Variants in ST3GAL2 observed in about 807,000 individuals in gnomAD.
ST3GAL2 encodes ST3 beta-galactoside alpha-2,3-sialyltransferase 2, also known as CMP-N-acetylneuraminate-beta-galactosamide-alpha-2,3-sialyltransferase 2.
In ST3GAL2, 16 loss-of-function variants were observed where a neutral mutation model predicts 37.5. The observed-to-expected ratio is 0.43, with a 90% CI of 0.29 to 0.65. The LOEUF is 0.65. ST3GAL2 is among the 30% of genes least tolerant of loss of function. The probability of loss-of-function intolerance (pLI) is 0.17; values close to 1 mark genes in which losing one functional copy is unlikely to be tolerated. For missense variants in ST3GAL2, 383 were observed against 487.8 expected (o/e 0.79, Z 2.02); for synonymous variants, 238 against 202.9 (o/e 1.17, Z -1.47).
chr16:70,379,375 A>T lies in ST3GAL2; in HGVS notation c.*2314T>A, dbSNP rs1391991539. On this transcript the variant is annotated 3_prime_UTR_variant, in exon 7 of 7. Transcript: ENST00000342907. Reference sequence around the variant, plus strand: ...TCCAGGAATGAGGTGCCTCCTGTATAGGTGGGGGAGGGTATCTGGGAGTCA... The same window carrying T: ...TCCAGGAATGAGGTGCCTCCTGTATTGGTGGGGGAGGGTATCTGGGAGTCA... The T allele has an allele frequency of 6.6e-6, 1 of 152,180 alleles. No homozygotes were observed. Among genetic ancestry groups the T allele is most frequent in the Non-Finnish European group, 1.5e-5 (1 of 68,050 alleles). The allele number at this position is 152,180 out of a possible 1,614,324, so 9.4% of individuals were successfully genotyped here. A position where few individuals can be genotyped will look rare whatever the true frequency, so the allele number is the denominator to read the frequency against.
At chr16:70,424,017 C>T (rs1350238194) in intron 1 of ST3GAL2, among the ~76,000 whole-genome samples, 2 of 151,698 alleles carry the variant, frequency 1.3e-5, no homozygotes, top group African/African-American at 4.8e-5. Flanking sequence ...AAGATCGTGC[C>T]ACTGCACTCC....
chr16:70,408,246 C>T (rs964644592), intron 1 of ST3GAL2, among the ~76,000 whole-genome samples: 1 of 152,144 alleles, frequency 6.6e-6, no homozygotes, highest in East Asian at 1.9e-4. Context: ...GCTCCTTCCA[C>T]AGCCCCCACT....
rs2047361586 is a variant in ST3GAL2, at chr16:70,377,883, G to A, written c.*3806C>T. On this transcript the variant is annotated 3_prime_UTR_variant, in exon 7 of 7. Coordinates refer to ENST00000342907, the MANE Select transcript of ST3GAL2 (RefSeq NM_006927.4). ...ACACCTGTGGAGGCAGGGAACTCAGGAAATCAAGGAAGAAAAAGGTGTCTA... is the reference window on the plus strand; with the variant it reads ...ACACCTGTGGAGGCAGGGAACTCAGAAAATCAAGGAAGAAAAAGGTGTCTA... 1.3e-5 allele frequency: 2 copies of A among 152,172 alleles called. No homozygotes were observed. Among genetic ancestry groups the A allele is most frequent in the South Asian group, 4.1e-4 (2 of 4,828 alleles). The allele number at this position is 152,172 out of a possible 1,614,324, so 9.4% of individuals were successfully genotyped here.
At position 70,381,657 on chromosome 16, in the gene ST3GAL2, G is replaced by T; in HGVS notation, c.*32C>A. 1 of 1,606,218 alleles carries T rather than the reference G, an allele frequency of 6.2e-7. No individual in the cohort carries two copies. The highest frequency in any genetic ancestry group is 1.1e-5 in the South Asian group (1 of 90,758). The stretch of plus-strand genomic sequence containing the variant: ...CGGGCCGGAGCCCCGGTGCCCGATA[G>T]ATGGGCCGGAAGGGTCGCGGCGAGG... On this transcript the variant is annotated 3_prime_UTR_variant, in exon 7 of 7. Coordinates refer to ENST00000342907, the MANE Select transcript of ST3GAL2 (RefSeq NM_006927.4).
At chr16:70,395,718 G>A (rs1391242579) in intron 2 of ST3GAL2, among the ~76,000 whole-genome samples, 1 of 152,150 alleles carries the variant, frequency 6.6e-6, no homozygotes. Flanking sequence ...AGCGAGACCT[G>A]TACCAACCAA....
intron 1 of ST3GAL2, among the ~76,000 whole-genome samples, chr16:70,437,501 C>CG (rs1042825291): frequency 1.1e-4 from 16 of 144,384 alleles, no homozygotes; most frequent in South Asian, 8.6e-4. Context: ...CCCTCTGCCC[C>CG]CCCCGCAAAA....
chr16:70,379,380 G>A lies in ST3GAL2; in HGVS notation c.*2309C>T, dbSNP rs1029685370. 3 of 152,144 alleles carry A rather than the reference G, an allele frequency of 2.0e-5. No homozygotes were observed. 9.4% of individuals were successfully genotyped at this position (152,144 alleles called of 1,614,324 possible). A position where few individuals can be genotyped will look rare whatever the true frequency, so the allele number is the denominator to read the frequency against. On this transcript the variant is annotated 3_prime_UTR_variant, in exon 7 of 7. Coordinates refer to ENST00000342907, the MANE Select transcript of ST3GAL2 (RefSeq NM_006927.4). ...GAATGAGGTGCCTCCTGTATAGGTG[G>A]GGGAGGGTATCTGGGAGTCATCTCG...
chr16:70,421,654 G>C (rs1314571040), intron 1 of ST3GAL2, among the ~76,000 whole-genome samples: 2 of 152,214 alleles, frequency 1.3e-5, no homozygotes, highest in East Asian at 1.9e-4. Context: ...CTGGGGATGT[G>C]AGGAGGTGGG....
chr16:70,415,885 C>T (rs2047673882), intron 1 of ST3GAL2, among the ~76,000 whole-genome samples: 1 of 151,106 alleles, frequency 6.6e-6, no homozygotes, highest in African/African-American at 2.4e-5. Context: ...AAGCGATTCT[C>T]CTGCCTCAGC....
At chr16:70,433,480 T>C (rs1484191505) in intron 1 of ST3GAL2, among the ~76,000 whole-genome samples, 3 of 152,202 alleles carry the variant, frequency 2.0e-5, no homozygotes, top group African/African-American at 7.2e-5. Flanking sequence ...GTTTTGCTTT[T>C]GGATGCAGGG....
chr16:70,431,046 C>G (rs1360762787), intron 1 of ST3GAL2, among the ~76,000 whole-genome samples: 3 of 151,390 alleles, frequency 2.0e-5, no homozygotes, highest in Non-Finnish European at 4.4e-5. Context: ...CTACTAATGT[C>G]CCTTGCAAAC....
chr16:70,382,929 G>A lies in ST3GAL2; in HGVS notation c.760-5C>T, dbSNP rs764810269. On this transcript the variant is annotated splice_polypyrimidine_tract_variant and splice_region_variant and intron_variant, in intron 5 of 6. Coordinates refer to ENST00000342907, the MANE Select transcript of ST3GAL2 (RefSeq NM_006927.4). ...GGCTGGGTTGTAGATCTGGACCTGG[G>A]AGGAGAAGGGATGACAGGTATATGA... The A allele has an allele frequency of 1.9e-6, 3 of 1,612,624 alleles. No homozygotes were observed. In the African/African-American group the frequency reaches 4.0e-5, roughly 21 times the overall value.
intron 1 of ST3GAL2, among the ~76,000 whole-genome samples, chr16:70,431,237 T>C (rs2047787823): frequency 6.6e-6 from 1 of 152,218 alleles, no homozygotes; most frequent in Admixed American, 6.5e-5. Context: ...AATATCTTGT[T>C]GATTTTTCCA....
At chr16:70,413,645 A>G (rs1404793765) in intron 1 of ST3GAL2, among the ~76,000 whole-genome samples, 1 of 150,424 alleles carries the variant, frequency 6.6e-6, no homozygotes, top group Non-Finnish European at 1.5e-5. Context: ...CTGAGGCAGG[A>G]GAATTGCTTG....
intron 3 of ST3GAL2, 135 bp downstream of exon 3, chr16:70,394,847 G>C (rs1272055239): frequency 3.0e-6 from 3 of 984,224 alleles, no homozygotes; most frequent in Admixed American, 4.9e-5. Context: ...AGCCTGCTGT[G>C]AAAGACTCTG....
At chr16:70,411,986 C>T (rs914513259) in intron 1 of ST3GAL2, among the ~76,000 whole-genome samples, 5 of 150,278 alleles carry the variant, frequency 3.3e-5, no homozygotes, top group African/African-American at 1.2e-4. Flanking sequence ...AAGAGCGAAA[C>T]TCCGTCTCAA....
At position 70,395,252 on chromosome 16, in the gene ST3GAL2, C is replaced by T. The variant is rs747155186; in HGVS notation, c.340-77G>A. Reference sequence around the variant, plus strand: ...GAAGGAGGGGCCCCGGCCTCCCCTCCTCTGCCCTCACTATCCTGTGTCTGG... The same window carrying T: ...GAAGGAGGGGCCCCGGCCTCCCCTCTTCTGCCCTCACTATCCTGTGTCTGG... On this transcript the variant is annotated intron_variant, in intron 2 of 6. Transcript: ENST00000342907. 4.2e-5 allele frequency: 57 copies of T among 1,358,374 alleles called. No individual in the cohort carries two copies. The Middle Eastern group carries it at 7.8e-4, about 19-fold the overall frequency. The allele number at this position is 1,358,374 out of a possible 1,614,324, so 84.1% of individuals were successfully genotyped here. A position where few individuals can be genotyped will look rare whatever the true frequency, so the allele number is the denominator to read the frequency against.
At chr16:70,431,985 A>ATATATATTTTTTTT (rs1454729972) in intron 1 of ST3GAL2, among the ~76,000 whole-genome samples, 10 of 139,014 alleles carry the variant, frequency 7.2e-5, no homozygotes, top group African/African-American at 3.2e-4. Context: ...ATATATATAT[A>ATATATATTTTTTTT]TTTTTTTTTA....
chr16:70,426,536 A>G (rs1448909498), intron 1 of ST3GAL2, among the ~76,000 whole-genome samples: 2 of 136,660 alleles, frequency 1.5e-5, no homozygotes, highest in African/African-American at 5.7e-5. Flanking sequence ...TTTGAGACAG[A>G]GTTTCACTCT....
Sources: allele counts gnomAD v4.1 joint callset (sites outside exome capture counted in the v4.1 genomes callset), GRCh38; gene constraint gnomAD v4.1.1; transcripts MANE v1.5; gene names NCBI Gene and HGNC (gene_info 2026-07-23, HGNC 2026-07-21).